Variants in HEMK2 observed in about 807,000 individuals in gnomAD.
HEMK2 encodes the protein HemK methyltransferase 2, ETF1 glutamine and histone H4 lysine.
chr21:28,876,544 G>A, the HEMK2 span: 2 of 1,114,454 alleles, frequency 1.8e-6, no homozygotes, highest in Admixed American at 4.5e-5. Flanking sequence ...TAGTGTGCAT[G>A]ATCAATAAGC....
the HEMK2 span, among the ~76,000 whole-genome samples, chr21:28,585,982 C>G: frequency 6.6e-6 from 1 of 152,138 alleles, no homozygotes; most frequent in Non-Finnish European, 1.5e-5. Context: ...CCCTAAGATT[C>G]ATGAATTATA....
the HEMK2 span, among the ~76,000 whole-genome samples, chr21:28,820,453 C>T: frequency 6.6e-6 from 1 of 152,132 alleles, no homozygotes; most frequent in African/African-American, 2.4e-5. Context: ...GTCACAAAAC[C>T]TTGACTGCTC....
the HEMK2 span, among the ~76,000 whole-genome samples, chr21:28,583,912 T>C: frequency 6.6e-6 from 1 of 152,336 alleles, no homozygotes; most frequent in Admixed American, 6.5e-5. Flanking sequence ...AAGTTTCTAA[T>C]CACTTTATTT....
the HEMK2 span, among the ~76,000 whole-genome samples, chr21:28,791,554 T>C: frequency 6.6e-6 from 1 of 152,212 alleles, no homozygotes; most frequent in African/African-American, 2.4e-5. Context: ...TCATGCTCTA[T>C]TTGACATAAT....
chr21:28,609,631 G>A, the HEMK2 span, among the ~76,000 whole-genome samples: 1 of 147,488 alleles, frequency 6.8e-6, no homozygotes, highest in African/African-American at 2.5e-5. Context: ...CCAGAGAAAG[G>A]TGAAGTCCAA....
the HEMK2 span, among the ~76,000 whole-genome samples, chr21:28,625,981 G>A: frequency 1.3e-5 from 2 of 152,130 alleles, no homozygotes; most frequent in Non-Finnish European, 2.9e-5. Flanking sequence ...TAGAAGAAAT[G>A]CTAAAGGCTA....
At chr21:28,608,469 G>A in the HEMK2 span, among the ~76,000 whole-genome samples, 1 of 151,850 alleles carries the variant, frequency 6.6e-6, no homozygotes, top group South Asian at 2.1e-4. Context: ...CCACTCAGAT[G>A]GACAGAGCAG....
chr21:28,790,978 A>G, the HEMK2 span, among the ~76,000 whole-genome samples: 6 of 152,176 alleles, frequency 3.9e-5, no homozygotes, highest in Admixed American at 1.3e-4. Flanking sequence ...AACTTAAAGT[A>G]TAATAATAAA....
the HEMK2 span, among the ~76,000 whole-genome samples, chr21:28,744,399 T>C: frequency 1.3e-5 from 2 of 152,194 alleles, no homozygotes; most frequent in Admixed American, 6.6e-5. Flanking sequence ...AAAGCATGGA[T>C]TTGCTGTTCC....
the HEMK2 span, among the ~76,000 whole-genome samples, chr21:28,755,847 C>G: frequency 6.6e-6 from 1 of 152,200 alleles, no homozygotes; most frequent in African/African-American, 2.4e-5. Flanking sequence ...GGATTGCAGT[C>G]TCTCTCTTAT....
chr21:28,655,856 T>C, the HEMK2 span, among the ~76,000 whole-genome samples: 1 of 152,090 alleles, frequency 6.6e-6, no homozygotes, highest in Non-Finnish European at 1.5e-5. Flanking sequence ...AATATCTGCA[T>C]TTATATAAGA....
the HEMK2 span, among the ~76,000 whole-genome samples, chr21:28,693,186 A>G: frequency 6.6e-6 from 1 of 152,184 alleles, no homozygotes; most frequent in Non-Finnish European, 1.5e-5. Flanking sequence ...TTTAAAATAT[A>G]TGTATAATGT....
At chr21:28,620,966 T>C in the HEMK2 span, among the ~76,000 whole-genome samples, 2 of 151,980 alleles carry the variant, frequency 1.3e-5, no homozygotes, top group Admixed American at 1.3e-4. Flanking sequence ...CCACCGCACC[T>C]GGCCCTCTTT....
chr21:28,608,757 G>A, the HEMK2 span, among the ~76,000 whole-genome samples: 1 of 152,148 alleles, frequency 6.6e-6, no homozygotes, highest in Non-Finnish European at 1.5e-5. Flanking sequence ...TGGACTGCAT[G>A]GGAGCTGGGT....
the HEMK2 span, among the ~76,000 whole-genome samples, chr21:28,850,025 T>C: frequency 6.6e-6 from 1 of 152,162 alleles, no homozygotes; most frequent in African/African-American, 2.4e-5. Context: ...CCCTGTGAGA[T>C]ACTATGCAAG....
the HEMK2 span, among the ~76,000 whole-genome samples, chr21:28,800,704 T>A: frequency 6.6e-6 from 1 of 152,140 alleles, no homozygotes; most frequent in Non-Finnish European, 1.5e-5. Context: ...TATCAAACAA[T>A]GCCTGTATTT....
At chr21:28,608,206 T>C in the HEMK2 span, among the ~76,000 whole-genome samples, 1 of 152,160 alleles carries the variant, frequency 6.6e-6, no homozygotes, top group African/African-American at 2.4e-5. Context: ...ACAAACTGAT[T>C]GTCTTTCAGG....
the HEMK2 span, among the ~76,000 whole-genome samples, chr21:28,855,681 C>T: frequency 1.3e-5 from 2 of 152,114 alleles, no homozygotes; most frequent in Non-Finnish European, 2.9e-5. Context: ...GACCACAGTC[C>T]AATGAAAATG....
the HEMK2 span, among the ~76,000 whole-genome samples, chr21:28,705,765 G>A: frequency 1.3e-5 from 2 of 152,208 alleles, no homozygotes; most frequent in Admixed American, 6.5e-5. Context: ...GACTCTAAGG[G>A]TAAATCAACG....
Sources: allele counts gnomAD v4.1 joint callset (sites outside exome capture counted in the v4.1 genomes callset), GRCh38; gene constraint gnomAD v4.1.1; transcripts MANE v1.5; gene names NCBI Gene and HGNC (gene_info 2026-07-23, HGNC 2026-07-21).